The following HDAC9 variants were observed in gnomAD, a reference collection of about 807,000 sequenced individuals.
HDAC9 encodes the protein histone deacetylase 9.
HDAC9 carries 41 observed loss-of-function variants against 139.4 expected under a neutral mutation model. The ratio of observed to expected loss-of-function variants is 0.29; its 90% CI spans 0.23 to 0.38. The LOEUF (loss-of-function observed/expected upper bound fraction) is 0.38. HDAC9 is among the 10% of genes least tolerant of loss of function. The pLI, the probability that HDAC9 is intolerant of heterozygous loss-of-function variation, is 1.00. For synonymous variants in HDAC9, 517 were observed against 476.2 expected, an observed-to-expected ratio of 1.09 and a Z score of -1.12; for missense variants, 1,147 against 1,297.0, an observed-to-expected ratio of 0.88 and a Z score of 1.78.
chr7:18,864,461 G>A (rs1798340639), intron 21 of HDAC9, among the ~76,000 whole-genome samples: 1 of 151,990 alleles, frequency 6.6e-6, no homozygotes, highest in African/African-American at 2.4e-5. Context: ...GGAAAATGGG[G>A]AGTTGCTCAA....
intron 23 of HDAC9, among the ~76,000 whole-genome samples, chr7:18,951,078 C>T (rs1782760481): frequency 6.6e-6 from 1 of 151,930 alleles, no homozygotes; most frequent in Non-Finnish European, 1.5e-5. Flanking sequence ...TACTCAACAG[C>T]TTCTCCAAGA....
chr7:18,331,944 A>G (rs1273113010), intron 1 of HDAC9, among the ~76,000 whole-genome samples: 1 of 151,740 alleles, frequency 6.6e-6, no homozygotes, highest in Admixed American at 6.6e-5. Context: ...CTCTTAGGAA[A>G]AGGAGGCCTA....
intron 6 of HDAC9, among the ~76,000 whole-genome samples, chr7:18,599,976 T>TG (rs60898362): frequency 7.9e-4 from 120 of 150,998 alleles, no homozygotes; most frequent in African/African-American, 2.4e-3. Flanking sequence ...TATTTTAAGT[T>TG]TTTTTTTTTT....
chr7:18,932,913 T>C (rs1011190762), intron 22 of HDAC9, among the ~76,000 whole-genome samples: 14 of 149,860 alleles, frequency 9.3e-5, no homozygotes, highest in African/African-American at 3.5e-4. Context: ...TGAGAATTTG[T>C]AATAAAGTTT....
At chr7:18,135,735 C>T (rs1489808451) in intron 1 of HDAC9, among the ~76,000 whole-genome samples, 2 of 147,568 alleles carry the variant, frequency 1.4e-5, no homozygotes, top group Non-Finnish European at 3.0e-5. Context: ...CAAGTCTTTG[C>T]TATTGTGAAT....
chr7:18,546,343 A>C (rs1814811991), intron 2 of HDAC9, among the ~76,000 whole-genome samples: 1 of 152,198 alleles, frequency 6.6e-6, no homozygotes, highest in Non-Finnish European at 1.5e-5. Context: ...TCACTGGGTC[A>C]CATCTGGATC....
chr7:18,716,077 A>G (rs1173213740), intron 12 of HDAC9, among the ~76,000 whole-genome samples: 1 of 152,228 alleles, frequency 6.6e-6, no homozygotes, highest in African/African-American at 2.4e-5. Context: ...GAATAAAGGA[A>G]ATGCTCAAGA....
intron 1 of HDAC9, among the ~76,000 whole-genome samples, chr7:18,378,734 A>G (rs1385412468): frequency 6.6e-6 from 1 of 152,154 alleles, no homozygotes; most frequent in African/African-American, 2.4e-5. Context: ...AAACATACGC[A>G]TTTTATAAAT....
intron 1 of HDAC9, among the ~76,000 whole-genome samples, chr7:18,108,125 G>A (rs1046443676): frequency 1.3e-5 from 2 of 152,202 alleles, no homozygotes; most frequent in Non-Finnish European, 2.9e-5. Context: ...GTTGGGATAT[G>A]ATATCCTAGA....
intron 13 of HDAC9, among the ~76,000 whole-genome samples, chr7:18,732,718 TACAC>T (rs371390037): frequency 0.014 from 1,355 of 97,612 alleles, 108 homozygotes; most frequent in Middle Eastern, 0.018. Flanking sequence ...TGCGTATGTG[TACAC>T]ACACACACGT....
chr7:18,868,380 C>A (rs1798651727), intron 21 of HDAC9, among the ~76,000 whole-genome samples: 1 of 152,188 alleles, frequency 6.6e-6, no homozygotes, highest in South Asian at 2.1e-4. Flanking sequence ...TTTGTTCACA[C>A]ACATACATAC....
At chr7:18,740,158 T>A (rs1027321624) in intron 13 of HDAC9, among the ~76,000 whole-genome samples, 2 of 152,312 alleles carry the variant, frequency 1.3e-5, no homozygotes, top group African/African-American at 4.8e-5. Context: ...TGTCCCGTTT[T>A]TCAGGTACAG....
chr7:18,356,358 G>GTTTTTTT (rs5882659), intron 1 of HDAC9, among the ~76,000 whole-genome samples: 1,526 of 55,086 alleles, frequency 0.028, 212 homozygotes, highest in Middle Eastern at 0.068. Flanking sequence ...CAGCACATAG[G>GTTTTTTT]TTTTTTTTTT....
rs62448131 is a variant in HDAC9 at position 19,001,571 on chromosome 7, G to C, written c.*5509G>C. The C allele has an allele frequency of 6.6e-6, 1 of 150,510 alleles. No homozygotes were observed. The highest frequency in any genetic ancestry group is 1.5e-5 in the Non-Finnish European group (1 of 67,658). 9.3% of individuals were successfully genotyped at this position (150,510 alleles called of 1,614,324 possible). A position where few individuals can be genotyped will look rare whatever the true frequency, so the allele number is the denominator to read the frequency against. On this transcript the variant is annotated 3_prime_UTR_variant, in exon 26 of 26. Coordinates refer to ENST00000686413, the MANE Select transcript of HDAC9 (RefSeq NM_178425.4). ...ATTAAAAAAAAAAACAAAAAACAGA[G>C]AAGAATTGCAAAATCTGAAGTGGAA...
At chr7:18,339,544 C>T (rs1781841475) in intron 1 of HDAC9, among the ~76,000 whole-genome samples, 1 of 151,312 alleles carries the variant, frequency 6.6e-6, no homozygotes, top group Non-Finnish European at 1.5e-5. Context: ...TGCATAGTAG[C>T]TTCATTGTGT....
intron 1 of HDAC9, among the ~76,000 whole-genome samples, chr7:18,152,857 A>G (rs949947236): frequency 6.6e-6 from 1 of 152,240 alleles, no homozygotes; most frequent in African/African-American, 2.4e-5. Context: ...TGAAGTTCAA[A>G]GAACAATATC....
intron 11 of HDAC9, 38 bp downstream of exon 11, chr7:18,648,721 A>C: frequency 6.4e-7 from 1 of 1,557,936 alleles, no homozygotes. Context: ...TCTAACCGCC[A>C]GTTTGGAAAT....
intron 6 of HDAC9, among the ~76,000 whole-genome samples, chr7:18,615,238 A>G (rs1237145662): frequency 1.3e-5 from 2 of 152,194 alleles, no homozygotes; most frequent in Non-Finnish European, 2.9e-5. Context: ...TTTTGAAGCA[A>G]TTAAAAGGTT....
chr7:18,688,085 A>T (rs1003302860), intron 12 of HDAC9, among the ~76,000 whole-genome samples: 1 of 151,764 alleles, frequency 6.6e-6, no homozygotes, highest in Admixed American at 6.6e-5. Context: ...ACACACACAC[A>T]CTTATATATG....
Sources: allele counts gnomAD v4.1 joint callset (sites outside exome capture counted in the v4.1 genomes callset), GRCh38; gene constraint gnomAD v4.1.1; transcripts MANE v1.5; gene names NCBI Gene and HGNC (gene_info 2026-07-23, HGNC 2026-07-21).